Variants in PRR5L observed in about 807,000 individuals in gnomAD.
PRR5L encodes the protein proline-rich protein 5-like.
A neutral mutation model predicts 36.4 loss-of-function variants in PRR5L; 21 were observed. That is an observed-to-expected ratio of 0.58 (90% CI 0.41 to 0.83). The LOEUF (loss-of-function observed/expected upper bound fraction) is 0.83. Among genes scored for constraint, PRR5L ranks in the 40% least tolerant of loss-of-function variants. The pLI, the probability that PRR5L is intolerant of heterozygous loss-of-function variation, is 0.00. For missense variants in PRR5L, 381 were observed against 473.3 expected (o/e 0.80, Z 1.81); for synonymous variants, 188 against 197.0 (o/e 0.95, Z 0.38).
chr11:36,351,510 TTTATATATA>T (rs1316782201), intron 1 of PRR5L, among the ~76,000 whole-genome samples: 3 of 19,152 alleles, frequency 1.6e-4, no homozygotes, highest in South Asian at 1.9e-3. Context: ...TTTTTATATA[TTTATATATA>T]TTTATATATT....
At chr11:36,434,353 G>A (rs1043025584) in intron 5 of PRR5L, among the ~76,000 whole-genome samples, 2 of 152,136 alleles carry the variant, frequency 1.3e-5, no homozygotes, top group South Asian at 4.1e-4. Flanking sequence ...ATTGTGTTTG[G>A]ATAAAACTTG....
intron 1 of PRR5L, among the ~76,000 whole-genome samples, chr11:36,317,441 A>T (rs1239079579): frequency 6.6e-6 from 1 of 152,180 alleles, no homozygotes; most frequent in Non-Finnish European, 1.5e-5. Flanking sequence ...AATGGTAGAG[A>T]TAGTGTGTCT....
At chr11:36,425,772 T>C (rs1462197420) in intron 4 of PRR5L, 1 of 151,864 alleles carries the variant, frequency 6.6e-6, no homozygotes, top group Non-Finnish European at 1.5e-5. Flanking sequence ...TCACAGGAGA[T>C]GTGCACATCA....
intron 1 of PRR5L, chr11:36,323,559 G>A (rs1245291144): frequency 2.0e-5 from 3 of 152,220 alleles, no homozygotes; most frequent in African/African-American, 7.2e-5. Flanking sequence ...CATTTTCTGT[G>A]TGTGCCATGA....
At chr11:36,376,195 G>A in intron 1 of PRR5L, 1 of 1,301,936 alleles carries the variant, frequency 7.7e-7, no homozygotes. Context: ...CTCCCCAGCA[G>A]GGTGAGAGTT....
At chr11:36,432,205 T>G (rs1270059501) in intron 5 of PRR5L, among the ~76,000 whole-genome samples, 1 of 150,396 alleles carries the variant, frequency 6.6e-6, no homozygotes, top group Non-Finnish European at 1.5e-5. Flanking sequence ...TTTAATGGGA[T>G]GCAGGCTGGT....
chr11:36,402,748 T>A (rs1275438304), intron 2 of PRR5L, among the ~76,000 whole-genome samples: 1 of 152,200 alleles, frequency 6.6e-6, no homozygotes, highest in East Asian at 1.9e-4. Flanking sequence ...TAAGCCCTGA[T>A]ATGGCCTCTC....
At chr11:36,309,724 C>G (rs73443131) in intron 1 of PRR5L, among the ~76,000 whole-genome samples, 1 of 37,016 alleles carries the variant, frequency 2.7e-5, no homozygotes, top group Non-Finnish European at 8.1e-5. Context: ...TTCCAGATCC[C>G]TCTCACTGGC....
Position 36,450,892 on chromosome 11 carries a change from G to A in PRR5L, c.586-317G>A, listed in dbSNP as rs753275178. 8.1e-4 allele frequency among the ~76,000 whole-genome samples: 123 copies of A among 152,222 alleles called. 1 individual carries two copies. Among genetic ancestry groups the A allele is most frequent in the Non-Finnish European group, 1.5e-3 (103 of 68,040 alleles). On this transcript the variant is annotated intron_variant, in intron 7 of 8. Coordinates refer to ENST00000530639, the MANE Select transcript of PRR5L (RefSeq NM_001160167.2). ...TCTGTGCTGTTTATGAACCAGTCAC[G>A]ATGACAGTATGGGTAGGATTATTGT...
At chr11:36,316,887 A>G (rs1356248318) in intron 1 of PRR5L, among the ~76,000 whole-genome samples, 2 of 152,200 alleles carry the variant, frequency 1.3e-5, no homozygotes, top group Admixed American at 6.5e-5. Flanking sequence ...AAAACTATAA[A>G]CTAAATTCCT....
At chr11:36,411,353 G>A (rs1409914201) in intron 3 of PRR5L, among the ~76,000 whole-genome samples, 1 of 152,164 alleles carries the variant, frequency 6.6e-6, no homozygotes, top group African/African-American at 2.4e-5. Context: ...GCGTGAGATC[G>A]CAGGTCTGTG....
intron 1 of PRR5L, among the ~76,000 whole-genome samples, chr11:36,356,120 T>A (rs1403732942): frequency 6.6e-6 from 1 of 150,764 alleles, no homozygotes; most frequent in African/African-American, 2.4e-5. Flanking sequence ...CCATGTTGCC[T>A]GGGCTGGTCT....
chr11:36,418,593 G>A (rs1858196896), intron 3 of PRR5L, among the ~76,000 whole-genome samples: 2 of 152,014 alleles, frequency 1.3e-5, no homozygotes, highest in East Asian at 1.9e-4. Context: ...TCAGGAGATC[G>A]AGACCATCCT....
rs10501148 is a variant in PRR5L, at chr11:36,299,491, C to T, written c.-126+3053C>T. The stretch of plus-strand genomic sequence containing the variant: ...AGTTAAGAGGGAAACCAGTTTCGTG[C>T]CACTTCTTTTGTCAGCCCTGCATGA... On this transcript the variant is annotated intron_variant, in intron 1 of 8. Coordinates refer to ENST00000530639, the MANE Select transcript of PRR5L (RefSeq NM_001160167.2). Among the ~76,000 whole-genome samples, 511 of 152,314 alleles carry T rather than the reference C, an allele frequency of 3.4e-3. 8 individuals are homozygous for T. Among genetic ancestry groups the T allele is most frequent in the Admixed American group, 0.031 (467 of 15,296 alleles).
In PRR5L at chr11:36,463,552, C is replaced by T. The variant is rs1859236017; in HGVS notation, c.*816C>T. On this transcript the variant is annotated 3_prime_UTR_variant, in exon 9 of 9. Coordinates refer to ENST00000530639, the MANE Select transcript of PRR5L (RefSeq NM_001160167.2). ...AAACGGACTTTCTCATCATGCTTTC[C>T]TATGGTGGGTATGAGGGGCCAGCTG... 6.6e-6 allele frequency: 1 copy of T among 152,528 alleles called. No homozygotes were observed. Among genetic ancestry groups the T allele is most frequent in the Admixed American group, 6.6e-5 (1 of 15,266 alleles). 9.4% of individuals were successfully genotyped at this position (152,528 alleles called of 1,614,324 possible).
chr11:36,333,098 C>A (rs1856735480), intron 1 of PRR5L, among the ~76,000 whole-genome samples: 1 of 152,168 alleles, frequency 6.6e-6, no homozygotes, highest in Non-Finnish European at 1.5e-5. Context: ...TAGAATTTAG[C>A]TTTGGCTAAG....
At chr11:36,403,187 G>A in intron 2 of PRR5L, 111 bp from the exon 3 acceptor site, 7 of 832,522 alleles carry the variant, frequency 8.4e-6, no homozygotes, top group Non-Finnish European at 1.4e-5. Context: ...GTGTGGCCAG[G>A]TTTGTGCTAT....
At chr11:36,382,106 G>A (rs1034513733) in intron 1 of PRR5L, among the ~76,000 whole-genome samples, 9 of 152,108 alleles carry the variant, frequency 5.9e-5, no homozygotes, top group Admixed American at 5.9e-4. Flanking sequence ...TGCAGTGAGC[G>A]GAGATCGCGC....
Position 36,342,804 on chromosome 11 carries a change from T to C in PRR5L, c.-126+46366T>C, listed in dbSNP as rs141762457. On this transcript the variant is annotated intron_variant, in intron 1 of 8. Coordinates refer to ENST00000530639, the MANE Select transcript of PRR5L (RefSeq NM_001160167.2). ...TCTCCCTTTAAATATAGCCGCACTTTAGAAAGAAATGGGAAAAAATTAATT... is the reference window on the plus strand; with the variant it reads ...TCTCCCTTTAAATATAGCCGCACTTCAGAAAGAAATGGGAAAAAATTAATT... 8.7e-3 allele frequency among the ~76,000 whole-genome samples: 1,322 copies of C among 152,274 alleles called. 20 individuals are homozygous for C. Among genetic ancestry groups the C allele is most frequent in the African/African-American group, 0.031 (1,269 of 41,530 alleles).
Sources: gnomAD v4.1 joint callset for allele counts (sites outside exome capture counted in the v4.1 genomes callset) on GRCh38, gnomAD v4.1.1 for gene constraint, MANE v1.5 for transcripts, NCBI Gene and HGNC (gene_info 2026-07-23, HGNC 2026-07-21) for gene names.